Variants in GRM7 observed in about 807,000 individuals in gnomAD.
The protein encoded by GRM7 is metabotropic glutamate receptor 7.
Under a neutral mutation model 84.5 loss-of-function variants are expected in GRM7, and 35 were observed. The ratio of observed to expected loss-of-function variants is 0.41; its 90% CI spans 0.32 to 0.55. The LOEUF (loss-of-function observed/expected upper bound fraction) is 0.55. Among genes scored for constraint, GRM7 ranks in the 20% least tolerant of loss-of-function variants. The pLI is 0.19. For missense variants in GRM7, 1,003 were observed against 1,194.6 expected (o/e 0.84, Z 2.36); for synonymous variants, 487 against 455.1 (o/e 1.07, Z -0.89).
In GRM7 at chr3:7,253,756, G is replaced by C. The variant is rs76997789; in HGVS notation, c.737-44928G>C. ...GCTTTCCCAAGCTCACAGTGCTAGG[G>C]TATGGTGTAGTAAGTCTTCTGATGC... On this transcript the variant is annotated intron_variant, in intron 2 of 9. Coordinates refer to ENST00000357716, the MANE Select transcript of GRM7 (RefSeq NM_000844.4). Among the ~76,000 whole-genome samples, 525 of 152,200 alleles carry C rather than the reference G, an allele frequency of 3.4e-3. 4 individuals carry two copies. The highest frequency in any genetic ancestry group is 0.012 in the African/African-American group (483 of 41,514).
At chr3:7,698,514 T>C (rs941940913) in intron 9 of GRM7, among the ~76,000 whole-genome samples, 13 of 152,194 alleles carry the variant, frequency 8.5e-5, no homozygotes. Flanking sequence ...CCCAGGCCAT[T>C]TGGGCCCAGA....
intron 2 of GRM7, among the ~76,000 whole-genome samples, chr3:7,205,045 G>C (rs1197241639): frequency 1.3e-5 from 2 of 152,186 alleles, no homozygotes; most frequent in Non-Finnish European, 2.9e-5. Context: ...TAGCAGTGTG[G>C]AAGAATGACT....
At position 7,099,736 on chromosome 3, in the gene GRM7, ACG is replaced by A. The variant is rs1699032259; in HGVS notation, c.520-46714_520-46713del. ...CATGTGCACATACATGTATATGTAC[ACG>A]CATTATACATGTGCACATACATGTA... is the stretch of plus-strand genomic sequence containing the variant. On this transcript the variant is annotated intron_variant, in intron 1 of 9. Transcript: ENST00000357716. 2.6e-5 allele frequency among the ~76,000 whole-genome samples: 2 copies of A among 78,280 alleles called. 1 individual carries two copies. Among genetic ancestry groups the A allele is most frequent in the African/African-American group, 3.2e-4 (2 of 6,180 alleles). The allele number at this position is 78,280 out of a possible 152,430, so 51.4% of individuals were successfully genotyped here. A position where few individuals can be genotyped will look rare whatever the true frequency, so the allele number is the denominator to read the frequency against.
At chr3:7,471,692 C>T (rs1256829623) in intron 7 of GRM7, among the ~76,000 whole-genome samples, 3 of 152,028 alleles carry the variant, frequency 2.0e-5, no homozygotes, top group Non-Finnish European at 4.4e-5. Context: ...AACCGTATTC[C>T]AACTGCAAAG....
intron 7 of GRM7, among the ~76,000 whole-genome samples, chr3:7,482,169 C>A (rs1699155465): frequency 6.6e-6 from 1 of 152,158 alleles, no homozygotes; most frequent in African/African-American, 2.4e-5. Context: ...GCCTGGGTGA[C>A]AGAGTGAGAC....
At chr3:7,411,220 C>T (rs1695922229) in intron 4 of GRM7, among the ~76,000 whole-genome samples, 1 of 152,062 alleles carries the variant, frequency 6.6e-6, no homozygotes, top group Non-Finnish European at 1.5e-5. Flanking sequence ...TAACTTATTG[C>T]AATACAATAT....
At chr3:7,006,063 G>C (rs1261314022) in intron 1 of GRM7, among the ~76,000 whole-genome samples, 3 of 152,098 alleles carry the variant, frequency 2.0e-5, no homozygotes, top group Non-Finnish European at 4.4e-5. Flanking sequence ...TAATCAAAAG[G>C]GAAATGGTTA....
rs1413861205 is a variant in GRM7 at position 6,861,371 on chromosome 3, C to A, written c.-18C>A. ...TTCCCTCCAGCGCCGCCGCCGCCAC[C>A]GCAGCAGCCGGAGCAGCATGGTCCA... is the stretch of plus-strand genomic sequence containing the variant. On this transcript the variant is annotated 5_prime_UTR_variant, in exon 1 of 10. Coordinates refer to ENST00000357716, the MANE Select transcript of GRM7 (RefSeq NM_000844.4). The surrounding 1 kb of genome is among the most constrained non-coding windows in gnomAD (Gnocchi z 6.4). 1.3e-6 allele frequency: 2 copies of A among 1,498,910 alleles called. No individual in the cohort carries two copies. The highest frequency in any genetic ancestry group is 1.8e-6 in the Non-Finnish European group (2 of 1,135,890). 92.9% of individuals were successfully genotyped at this position (1,498,910 alleles called of 1,614,324 possible).
intron 1 of GRM7, among the ~76,000 whole-genome samples, chr3:7,063,979 GC>G (rs1275238180): frequency 2.0e-5 from 3 of 148,072 alleles, no homozygotes; most frequent in Non-Finnish European, 4.5e-5. Context: ...TGGGTATGCA[GC>G]GTGGGATCTT....
intron 4 of GRM7, among the ~76,000 whole-genome samples, chr3:7,399,525 G>A (rs1479224684): frequency 2.0e-5 from 3 of 152,256 alleles, no homozygotes; most frequent in East Asian, 1.9e-4. Context: ...ATGGGGATAA[G>A]GTAGTACTGC....
intron 2 of GRM7, among the ~76,000 whole-genome samples, chr3:7,291,138 C>CTTT (rs779474254): frequency 2.1e-5 from 3 of 145,824 alleles, no homozygotes; most frequent in Non-Finnish European, 4.5e-5. Context: ...ATTTTCTTGA[C>CTTT]TTTTTTTTTT....
intron 7 of GRM7, among the ~76,000 whole-genome samples, chr3:7,569,364 C>G (rs1694522529): frequency 6.6e-6 from 1 of 152,022 alleles, no homozygotes; most frequent in African/African-American, 2.4e-5. Context: ...CTTGGAGAAC[C>G]TTTGTGTCCA....
chr3:7,073,950 G>C (rs1173541282), intron 1 of GRM7, among the ~76,000 whole-genome samples: 1 of 146,108 alleles, frequency 6.8e-6, no homozygotes, highest in East Asian at 2.0e-4. Flanking sequence ...TATAAATGAG[G>C]ATATTAATTG....
At chr3:7,067,095 C>A (rs1306786835) in intron 1 of GRM7, among the ~76,000 whole-genome samples, 1 of 151,918 alleles carries the variant, frequency 6.6e-6, no homozygotes, top group Non-Finnish European at 1.5e-5. Context: ...AAAGCATTCC[C>A]TCTGAGAACT....
At chr3:7,712,804 C>T (rs930872968) in intron 9 of GRM7, among the ~76,000 whole-genome samples, 1 of 152,126 alleles carries the variant, frequency 6.6e-6, no homozygotes, top group African/African-American at 2.4e-5. Flanking sequence ...AGTCTGAAAT[C>T]AAGGTGGCAG....
chr3:7,422,744 A>C (rs2124831033), intron 5 of GRM7, among the ~76,000 whole-genome samples: 1 of 152,176 alleles, frequency 6.6e-6, no homozygotes, highest in Non-Finnish European at 1.5e-5. Context: ...ATTTATTATT[A>C]TTATTTTCTT....
At chr3:7,588,343 C>T (rs953203865) in intron 8 of GRM7, among the ~76,000 whole-genome samples, 5 of 152,174 alleles carry the variant, frequency 3.3e-5, no homozygotes, top group Admixed American at 3.3e-4. Flanking sequence ...CTTCAGATGG[C>T]TCAGCTTGTT....
chr3:7,391,736 C>T (rs1451511529), intron 4 of GRM7, among the ~76,000 whole-genome samples: 2 of 149,512 alleles, frequency 1.3e-5, no homozygotes, highest in Non-Finnish European at 3.0e-5. Flanking sequence ...AAGAAATGAG[C>T]TAAGAAGGGA....
intron 4 of GRM7, among the ~76,000 whole-genome samples, chr3:7,385,849 A>G (rs1162009764): frequency 6.6e-6 from 1 of 152,242 alleles, no homozygotes; most frequent in Non-Finnish European, 1.5e-5. Context: ...ATGGTTAAAG[A>G]TATTGTGGTA....
Sources: allele counts gnomAD v4.1 joint callset (sites outside exome capture counted in the v4.1 genomes callset), GRCh38; gene constraint gnomAD v4.1.1; non-coding constraint Gnocchi (gnomAD v3.1); transcripts MANE v1.5; gene names NCBI Gene and HGNC (gene_info 2026-07-23, HGNC 2026-07-21).